The following RPS18 variants were observed in gnomAD, a reference collection of about 807,000 sequenced individuals.
RPS18 encodes the protein small ribosomal subunit protein uS13.
For synonymous variants in RPS18, 64 were observed against 70.9 expected, an observed-to-expected ratio of 0.90 and a Z score of 0.49; for missense variants, 49 against 200.8, an observed-to-expected ratio of 0.24 and a Z score of 4.57.
rs540397842 is a variant in RPS18 at position 33,275,862 on chromosome 6, G to A, written c.168G>A (p.Ala56=). The change falls in exon 3 of 6, where the codon GCG becomes GCA. Residue 56 remains alanine (A), a synonymous_variant. Transcript: ENST00000439602. ...RKADIDLTKR[A]GELTEDEVER... ...CAGACATTGACCTCACCAAGAGGGC[G>A]GGAGAACTCACTGAGGATGAGGTGA... 31 of 1,613,174 alleles carry A rather than the reference G, an allele frequency of 1.9e-5. No individual in the cohort carries two copies. In the African/African-American group the frequency reaches 2.0e-4, roughly 10 times the overall value.
intron 2 of RPS18, chr6:33,275,399 A>G (rs939548080): frequency 3.5e-5 from 7 of 202,410 alleles, no homozygotes; most frequent in Admixed American, 5.4e-5. Context: ...GCTTGCTGCA[A>G]CCTCCACCTC....
At chr6:33,275,663 T>C in intron 2 of RPS18, 134 bp from the exon 3 acceptor site, 1 of 722,670 alleles carries the variant, frequency 1.4e-6, no homozygotes, top group East Asian at 2.5e-5. Flanking sequence ...GAAAGGTGGG[T>C]GAGGAAAGGG....
chr6:33,273,820 A>G (rs1292546368), intron 2 of RPS18, among the ~76,000 whole-genome samples: 1 of 152,174 alleles, frequency 6.6e-6, no homozygotes, highest in Non-Finnish European at 1.5e-5. Context: ...GCTCACTCGG[A>G]GGCTGAAGTG....
Position 33,275,831 on chromosome 6 carries a change from G to A in RPS18, c.137G>A (p.Arg46Lys), listed in dbSNP as rs1159852185. 1.2e-6 allele frequency: 2 copies of A among 1,613,244 alleles called. No homozygotes were observed. Among genetic ancestry groups the A allele is most frequent in the East Asian group, 4.5e-5 (2 of 44,882 alleles). ...VGRRYAHVVL[R>K]KADIDLTKRA... ...CGAAGATATGCTCATGTGGTGTTGA[G>A]GAAAGCAGACATTGACCTCACCAAG... The change falls in exon 3 of 6, where the codon AGG becomes AAG. Residue 46 changes from arginine to lysine, a missense_variant. Transcript: ENST00000439602.
intron 2 of RPS18, 96 bp from the exon 3 acceptor site, chr6:33,275,701 T>C (rs1765582530): frequency 1.2e-6 from 1 of 837,652 alleles, no homozygotes; most frequent in Non-Finnish European, 2.1e-6. Flanking sequence ...AAATAGATTA[T>C]TGCAGATCCT....
intron 3 of RPS18, 29 bp downstream of exon 3, chr6:33,275,912 G>C: frequency 6.2e-7 from 1 of 1,603,802 alleles, no homozygotes; most frequent in Non-Finnish European, 8.5e-7. Context: ...GCTGGGGGTG[G>C]GGTCAGCCTC....
chr6:33,272,614 A>T lies in RPS18; in HGVS notation c.4-14A>T. ...TACTGTGTCTGATTTCTTCCCCCGT[A>T]CTTTTTCAACTAGTCTCTAGTGATC... On this transcript the variant is annotated splice_polypyrimidine_tract_variant and intron_variant, in intron 1 of 5. Coordinates refer to ENST00000439602, the MANE Select transcript of RPS18 (RefSeq NM_022551.3). 1 of 1,131,138 alleles carries T rather than the reference A, an allele frequency of 8.8e-7. No homozygotes were observed. The highest frequency in any genetic ancestry group is 1.4e-6 in the Non-Finnish European group (1 of 738,820). 70.1% of individuals were successfully genotyped at this position (1,131,138 alleles called of 1,614,324 possible). A position where few individuals can be genotyped will look rare whatever the true frequency, so the allele number is the denominator to read the frequency against.
At chr6:33,272,186 C>T (rs989153358) in intron 1 of RPS18, 64 bp downstream of exon 1, 13 of 1,545,104 alleles carry the variant, frequency 8.4e-6, no homozygotes, top group Non-Finnish European at 1.1e-5. Flanking sequence ...AGCCGGCTGT[C>T]AGGGTTCTGG....
chr6:33,276,208 T>G lies in RPS18; in HGVS notation c.324T>G (p.Arg108=). 1 of 1,614,126 alleles carries G rather than the reference T, an allele frequency of 6.2e-7. No homozygotes were observed. Residue 108 remains arginine, a synonymous_variant, in exon 5 of 6, where the codon CGT becomes CGG. Coordinates refer to ENST00000439602, the MANE Select transcript of RPS18 (RefSeq NM_022551.3). ...CCAATGGTCTGGACAACAAGCTCCG[T>G]GAAGACCTGGAGCGACTGAAGAAGA... is the stretch of plus-strand genomic sequence containing the variant. ...VLANGLDNKL[R]EDLERLKKIR...
chr6:33,273,248 T>A (rs530876360), intron 2 of RPS18, among the ~76,000 whole-genome samples: 10 of 152,356 alleles, frequency 6.6e-5, no homozygotes, highest in Non-Finnish European at 1.5e-5. Flanking sequence ...TCCTTTCCTG[T>A]CGAAGTGTGA....
At chr6:33,276,368 G>A in intron 5 of RPS18, 23 bp from the exon 6 acceptor site, 1 of 1,613,302 alleles carries the variant, frequency 6.2e-7, no homozygotes, top group Middle Eastern at 1.7e-4. Context: ...CATGACCTGT[G>A]ACTCTTCTCT....
At chr6:33,274,702 G>A (rs1479117838) in intron 2 of RPS18, among the ~76,000 whole-genome samples, 4 of 151,818 alleles carry the variant, frequency 2.6e-5, no homozygotes, top group Non-Finnish European at 5.9e-5. Flanking sequence ...TCATCTCATG[G>A]TCCTCTTCGT....
At chr6:33,273,294 C>T (rs954263145) in intron 2 of RPS18, among the ~76,000 whole-genome samples, 3 of 152,122 alleles carry the variant, frequency 2.0e-5, no homozygotes, top group Admixed American at 2.0e-4. Flanking sequence ...TTTTAAGAAT[C>T]GAATCAATGA....
intron 1 of RPS18, 187 bp from the exon 2 acceptor site, chr6:33,272,441 T>C: frequency 1.6e-6 from 1 of 630,934 alleles, no homozygotes; most frequent in South Asian, 1.8e-5. Flanking sequence ...GCTTGAACGC[T>C]TCATGTGCCT....
rs764270347 is a variant in RPS18 at position 33,275,850 on chromosome 6, C to T, written c.156C>T (p.Leu52=). 6.2e-7 allele frequency: 1 copy of T among 1,613,322 alleles called. No homozygotes were observed. Among genetic ancestry groups the T allele is most frequent in the South Asian group, 1.1e-5 (1 of 91,058 alleles). Residue 52 remains leucine, a synonymous_variant, in exon 3 of 6, where the codon CTC becomes CTT. Coordinates refer to ENST00000439602, the MANE Select transcript of RPS18 (RefSeq NM_022551.3). ...TGTTGAGGAAAGCAGACATTGACCT[C>T]ACCAAGAGGGCGGGAGAACTCACTG... ...HVVLRKADID[L]TKRAGELTED...
chr6:33,273,915 C>T (rs928517620), intron 2 of RPS18, among the ~76,000 whole-genome samples: 1 of 150,442 alleles, frequency 6.6e-6, no homozygotes, highest in African/African-American at 2.4e-5. Context: ...TTTGAAAGAC[C>T]CTGCTCTCTT....
chr6:33,272,258 A>C, intron 1 of RPS18, 136 bp downstream of exon 1: 1 of 989,936 alleles, frequency 1.0e-6, no homozygotes, highest in Non-Finnish European at 1.5e-6. Flanking sequence ...GTCCCTGGAA[A>C]GGGACACCAA....
chr6:33,274,148 C>T (rs2150878706), intron 2 of RPS18, among the ~76,000 whole-genome samples: 1 of 152,280 alleles, frequency 6.6e-6, no homozygotes, highest in East Asian at 1.9e-4. Flanking sequence ...AAACTTCTGA[C>T]CTCAGGTGAT....
chr6:33,274,345 C>T (rs997759347), intron 2 of RPS18, among the ~76,000 whole-genome samples: 1 of 152,166 alleles, frequency 6.6e-6, no homozygotes, highest in African/African-American at 2.4e-5. Flanking sequence ...TACAGGTGTG[C>T]ACCACCACAT....
Sources: allele counts gnomAD v4.1 joint callset (sites outside exome capture counted in the v4.1 genomes callset), GRCh38; gene constraint gnomAD v4.1.1; transcripts MANE v1.5; gene names NCBI Gene and HGNC (gene_info 2026-07-23, HGNC 2026-07-21).